The following ZNF540 variants were observed in gnomAD, a reference collection of about 807,000 sequenced individuals.
The protein encoded by ZNF540 is CTD-3064H18.6.
Under a neutral mutation model 11.8 loss-of-function variants are expected in ZNF540, and 3 were observed. That is an observed-to-expected ratio of 0.25 (90% CI 0.12 to 0.65). The LOEUF (loss-of-function observed/expected upper bound fraction) is 0.65. ZNF540 is among the 30% of genes least tolerant of loss of function. The pLI is 0.83. For synonymous variants in ZNF540, 247 were observed against 259.0 expected (o/e 0.95, Z 0.45); for missense variants, 709 against 793.1 (o/e 0.89, Z 1.27).
chr19:37,555,528 C>CT, intron 1 of ZNF540: 2 of 214,154 alleles, frequency 9.3e-6, no homozygotes, highest in Non-Finnish European at 1.9e-5. Context: ...GTTGAACATG[C>CT]TTTGATACCA....
chr19:37,561,972 CTTTT>C (rs1187706552), intron 1 of ZNF540, among the ~76,000 whole-genome samples: 1 of 151,954 alleles, frequency 6.6e-6, no homozygotes, highest in African/African-American at 2.4e-5. Flanking sequence ...TCAGTTACCA[CTTTT>C]TTTTGGACAA....
chr19:37,551,837 G>GGC (rs1430092492), intron 1 of ZNF540, among the ~76,000 whole-genome samples: 1 of 151,670 alleles, frequency 6.6e-6, no homozygotes, highest in Non-Finnish European at 1.5e-5. Context: ...TGTGTGTGGG[G>GGC]GGGGTGGTGT....
At chr19:37,578,955 G>A (rs1239003830) in intron 1 of ZNF540, among the ~76,000 whole-genome samples, 1 of 151,978 alleles carries the variant, frequency 6.6e-6, no homozygotes, top group African/African-American at 2.4e-5. Context: ...GGGAGGGAAG[G>A]GCAAGCGCGC....
At chr19:37,565,900 A>G (rs2042839458) in intron 1 of ZNF540, 3 of 1,613,856 alleles carry the variant, frequency 1.9e-6, no homozygotes, top group Non-Finnish European at 2.5e-6. Flanking sequence ...GCTTTTTGCT[A>G]AAGGTATTCC....
chr19:37,565,520 C>T, intron 1 of ZNF540: 2 of 1,613,758 alleles, frequency 1.2e-6, no homozygotes, highest in South Asian at 1.1e-5. Flanking sequence ...AGGTTTCTCA[C>T]CACTATGAAT....
At chr19:37,572,400 C>T (rs2043093311) in intron 1 of ZNF540, among the ~76,000 whole-genome samples, 3 of 152,192 alleles carry the variant, frequency 2.0e-5, no homozygotes, top group African/African-American at 7.2e-5. Context: ...AAATCTCACA[C>T]CATCCTACTC....
intron 1 of ZNF540, among the ~76,000 whole-genome samples, chr19:37,558,066 A>G (rs2042679535): frequency 6.6e-6 from 1 of 152,176 alleles, no homozygotes; most frequent in Non-Finnish European, 1.5e-5. Context: ...GGAGGGCTAA[A>G]GCAGGGGCTT....
rs769163050 is a variant in ZNF540 at position 37,604,296 on chromosome 19, CTTTTTTTTTT to C, written c.232+3211_232+3220del. On this transcript the variant is annotated intron_variant, in intron 4 of 4. Transcript: ENST00000316433. ...CATAGAGCTTTGGAAAATAGCCTTA[CTTTTTTTTTT>C]TTTTTTTTTTTTTTTTTTTAAGGCG... Among the ~76,000 whole-genome samples, 224 of 75,278 alleles carry C rather than the reference CTTTTTTTTTT, an allele frequency of 3.0e-3. 6 individuals are homozygous for C. Among genetic ancestry groups the C allele is most frequent in the Non-Finnish European group, 4.0e-3 (157 of 39,492 alleles). 49.4% of individuals were successfully genotyped at this position (75,278 alleles called of 152,430 possible). A position where few individuals can be genotyped will look rare whatever the true frequency, so the allele number is the denominator to read the frequency against.
In ZNF540 at chr19:37,611,958, T is replaced by C. The variant is rs151281477; in HGVS notation, c.678T>C (p.His226=). The C allele has an allele frequency of 5.9e-5, 96 of 1,613,638 alleles. 1 individual carries two copies. The African/African-American group carries it at 1.2e-3, about 20-fold the overall frequency. ...KCEKCGKVFS[H]SYQLTLHQRF... is the part of the protein sequence containing the mutation. ...AGAAATGTGGGAAAGTTTTTAGTCA[T>C]AGCTATCAACTTACTCTGCATCAGA... Residue 226 remains histidine, a synonymous_variant, in exon 5 of 5, where the codon CAT becomes CAC. Transcript: ENST00000316433.
In ZNF540 at chr19:37,611,938, T is replaced by C. The variant is rs764881041; in HGVS notation, c.658T>C (p.Cys220Arg). Reference sequence around the variant, plus strand: ...TGAAAAATCCTGTAAATGTGAGAAATGTGGGAAAGTTTTTAGTCATAGCTA... The same window carrying C: ...TGAAAAATCCTGTAAATGTGAGAAACGTGGGAAAGTTTTTAGTCATAGCTA... ...TGEKSCKCEKCGKVFSHSYQL... is the reference protein window; with the variant it reads ...TGEKSCKCEKRGKVFSHSYQL... The change falls in exon 5 of 5, where the codon TGT (cysteine) becomes CGT (arginine). Residue 220 changes from cysteine to arginine, a missense_variant. Coordinates refer to ENST00000316433, the MANE Select transcript of ZNF540 (RefSeq NM_001172225.3). 5.0e-6 allele frequency: 8 copies of C among 1,613,562 alleles called. No individual in the cohort carries two copies. In the Admixed American group the frequency reaches 1.3e-4, roughly 27 times the overall value.
At chr19:37,609,081 C>T (rs567989069) in intron 4 of ZNF540, among the ~76,000 whole-genome samples, 6 of 152,152 alleles carry the variant, frequency 3.9e-5, no homozygotes, top group Non-Finnish European at 8.8e-5. Flanking sequence ...CTCTGTTCTC[C>T]CTAAAATTGT....
intron 1 of ZNF540, chr19:37,566,136 C>G (rs1225130889): frequency 1.2e-6 from 2 of 1,613,950 alleles, no homozygotes; most frequent in Non-Finnish European, 8.5e-7. Context: ...GCTTCTTGAC[C>G]CTCTAAGTTG....
intron 1 of ZNF540, chr19:37,564,468 A>C: frequency 1.4e-6 from 1 of 734,638 alleles, no homozygotes; most frequent in Middle Eastern, 4.3e-4. Flanking sequence ...TTCTGAAATT[A>C]TTCTGCATCC....
chr19:37,580,091 C>G (rs1368651455), intron 1 of ZNF540, among the ~76,000 whole-genome samples: 1 of 152,198 alleles, frequency 6.6e-6, no homozygotes, highest in Admixed American at 6.5e-5. Flanking sequence ...GTATTTTACA[C>G]TAGCTACTAT....
intron 1 of ZNF540, among the ~76,000 whole-genome samples, chr19:37,553,340 C>T (rs1309396494): frequency 1.3e-5 from 2 of 151,414 alleles, no homozygotes; most frequent in Non-Finnish European, 2.9e-5. Context: ...ACCATGTTGG[C>T]CAGGCTGGTC....
chr19:37,584,995 T>A (rs938099382), intron 1 of ZNF540: 7 of 151,798 alleles, frequency 4.6e-5, no homozygotes, highest in Non-Finnish European at 1.0e-4. Flanking sequence ...TTAGACAAAT[T>A]CTCTAATGTC....
chr19:37,559,538 AAAGC>A (rs1600443288), intron 1 of ZNF540, among the ~76,000 whole-genome samples: 1 of 152,224 alleles, frequency 6.6e-6, no homozygotes, highest in Admixed American at 6.5e-5. Flanking sequence ...TTGAAAAAGA[AAAGC>A]AAGGTGCACA....
intron 1 of ZNF540, chr19:37,566,092 AATTTTGACACACATGT>A: frequency 6.2e-7 from 1 of 1,614,050 alleles, no homozygotes; most frequent in African/African-American, 1.3e-5. Flanking sequence ...CTTCACAGGT[AATTTTGACACACATGT>A]AAAGCCCTTC....
intron 4 of ZNF540, among the ~76,000 whole-genome samples, chr19:37,608,326 C>G (rs1207353258): frequency 2.6e-5 from 4 of 152,164 alleles, no homozygotes; most frequent in African/African-American, 9.6e-5. Context: ...GTGAGCACAT[C>G]AGAGCCATTC....
Sources: gnomAD v4.1 joint callset for allele counts (sites outside exome capture counted in the v4.1 genomes callset) on GRCh38, gnomAD v4.1.1 for gene constraint, MANE v1.5 for transcripts, NCBI Gene and HGNC (gene_info 2026-07-23, HGNC 2026-07-21) for gene names.